Variants in DSCAM observed in about 807,000 individuals in gnomAD.
DSCAM encodes cell adhesion molecule DSCAM.
DSCAM carries 47 observed loss-of-function variants against 217.7 expected under a neutral mutation model. That is an observed-to-expected ratio of 0.22 (90% CI 0.17 to 0.28). The LOEUF is 0.28. Among genes scored for constraint, DSCAM ranks in the 10% least tolerant of loss-of-function variants. DSCAM has a pLI of 1.00. For missense variants in DSCAM, 2,080 were observed against 2,618.3 expected (o/e 0.79, Z 4.49); for synonymous variants, 1,056 against 1,015.3 (o/e 1.04, Z -0.76).
intron 3 of DSCAM, among the ~76,000 whole-genome samples, chr21:40,646,186 G>T (rs939099866): frequency 2.0e-5 from 3 of 152,112 alleles, no homozygotes; most frequent in African/African-American, 7.2e-5. Flanking sequence ...GGAGGCCAAG[G>T]CAGGTGGATC....
At chr21:40,464,494 A>G (rs545745960) in intron 3 of DSCAM, among the ~76,000 whole-genome samples, 1 of 152,302 alleles carries the variant, frequency 6.6e-6, no homozygotes, top group South Asian at 2.1e-4. Context: ...CCCCATACAC[A>G]CAAAGGCATT....
chr21:40,816,573 T>G (rs947265761), intron 1 of DSCAM, among the ~76,000 whole-genome samples: 2 of 152,112 alleles, frequency 1.3e-5, no homozygotes, highest in Non-Finnish European at 2.9e-5. Context: ...CGAGACTCTG[T>G]CTCAATAAAA....
intron 11 of DSCAM, among the ~76,000 whole-genome samples, chr21:40,206,685 CCAAA>C (rs1337552467): frequency 3.7e-5 from 4 of 108,446 alleles, no homozygotes; most frequent in African/African-American, 5.3e-5. Context: ...CTGGGATTTG[CCAAA>C]AAAAAAAAAA....
At chr21:40,130,964 G>C (rs955497846) in intron 19 of DSCAM, among the ~76,000 whole-genome samples, 1 of 152,210 alleles carries the variant, frequency 6.6e-6, no homozygotes, top group Non-Finnish European at 1.5e-5. Flanking sequence ...GATGCTCGCT[G>C]TTAATGTAGC....
chr21:40,407,679 G>A (rs1418758004), intron 3 of DSCAM, among the ~76,000 whole-genome samples: 1 of 152,168 alleles, frequency 6.6e-6, no homozygotes, highest in Non-Finnish European at 1.5e-5. Context: ...AGGTCTGCAA[G>A]CCCACTCATT....
chr21:40,122,697 G>A (rs1025063595), intron 20 of DSCAM, among the ~76,000 whole-genome samples: 1 of 152,164 alleles, frequency 6.6e-6, no homozygotes, highest in Non-Finnish European at 1.5e-5. Context: ...CCAGAAAAAT[G>A]TTGTGGAGTC....
intron 3 of DSCAM, among the ~76,000 whole-genome samples, chr21:40,369,488 T>C (rs1297295362): frequency 1.3e-5 from 2 of 152,070 alleles, no homozygotes. Context: ...GTCCTTATGC[T>C]ATACAATAAA....
chr21:40,202,681 A>T (rs2146859676), intron 11 of DSCAM, among the ~76,000 whole-genome samples: 1 of 152,354 alleles, frequency 6.6e-6, no homozygotes, highest in East Asian at 1.9e-4. Flanking sequence ...TCCTTCCTTC[A>T]ACGTTATAAT....
intron 3 of DSCAM, among the ~76,000 whole-genome samples, chr21:40,663,428 G>C (rs1391135875): frequency 1.3e-5 from 2 of 151,920 alleles, no homozygotes; most frequent in Admixed American, 6.6e-5. Context: ...TGTGTTGCCG[G>C]CACTCTCCTC....
chr21:40,603,925 C>CTTTTTTTTTTTTTTTT (rs3070814), intron 3 of DSCAM, among the ~76,000 whole-genome samples: 1 of 97,322 alleles, frequency 1.0e-5, no homozygotes, highest in African/African-American at 4.0e-5. Flanking sequence ...TTTTGCATTT[C>CTTTTTTTTTTTTTTTT]TTTTTTTTTT....
intron 20 of DSCAM, among the ~76,000 whole-genome samples, chr21:40,116,258 T>C (rs553886163): frequency 6.6e-6 from 1 of 152,100 alleles, no homozygotes; most frequent in Non-Finnish European, 1.5e-5. Flanking sequence ...TAAAACAAAC[T>C]TTTGTGACAC....
At chr21:40,594,302 A>T (rs2077005109) in intron 3 of DSCAM, among the ~76,000 whole-genome samples, 1 of 152,236 alleles carries the variant, frequency 6.6e-6, no homozygotes, top group South Asian at 2.1e-4. Context: ...CTGCAAAGCC[A>T]TGAGTCCCTG....
intron 3 of DSCAM, among the ~76,000 whole-genome samples, chr21:40,562,031 C>T (rs900499571): frequency 2.4e-4 from 37 of 152,200 alleles, no homozygotes; most frequent in African/African-American, 8.9e-4. Flanking sequence ...TTCCCCACAT[C>T]GTGGTCTCTC....
rs1375112055 is a variant in DSCAM at position 40,453,083 on chromosome 21, TGTGTGTGTGA to T, written c.509-83848_509-83839del. On this transcript the variant is annotated intron_variant, in intron 3 of 32. Transcript: ENST00000400454. ...GTGTGTGTGTGTGTGTGTGTGTGTGTGTGTGTGTGAGATATATGTGTATATCTACACATAC... is the reference window on the plus strand; with the variant it reads ...GTGTGTGTGTGTGTGTGTGTGTGTGTGATATATGTGTATATCTACACATAC... 5.0e-4 allele frequency among the ~76,000 whole-genome samples: 56 copies of T among 111,322 alleles called. 1 individual carries two copies. Among genetic ancestry groups the T allele is most frequent in the Middle Eastern group, 9.3e-3 (2 of 216 alleles). 73.0% of individuals were successfully genotyped at this position (111,322 alleles called of 152,430 possible). A position where few individuals can be genotyped will look rare whatever the true frequency, so the allele number is the denominator to read the frequency against.
At chr21:40,360,549 G>C (rs1467570462) in intron 4 of DSCAM, among the ~76,000 whole-genome samples, 1 of 152,078 alleles carries the variant, frequency 6.6e-6, no homozygotes, top group Non-Finnish European at 1.5e-5. Flanking sequence ...TTACTTATAA[G>C]TGAGAACATG....
At chr21:40,799,318 T>A (rs1305915431) in intron 1 of DSCAM, among the ~76,000 whole-genome samples, 1 of 152,154 alleles carries the variant, frequency 6.6e-6, no homozygotes, top group Non-Finnish European at 1.5e-5. Flanking sequence ...AACTCAAATT[T>A]ATTGCTGACA....
chr21:40,783,929 C>A (rs1408771494), intron 1 of DSCAM, among the ~76,000 whole-genome samples: 1 of 151,818 alleles, frequency 6.6e-6, no homozygotes, highest in Non-Finnish European at 1.5e-5. Context: ...TTGGAAAGGT[C>A]AAATTTGCTT....
chr21:40,062,763 CATT>C, intron 28 of DSCAM, 103 bp downstream of exon 28: 1 of 1,040,200 alleles, frequency 9.6e-7, no homozygotes, highest in Non-Finnish European at 1.4e-6. Context: ...AAAGAAAAGA[CATT>C]ATCAATTTCA....
chr21:40,209,039 C>T (rs969076703), intron 11 of DSCAM, among the ~76,000 whole-genome samples: 5 of 152,132 alleles, frequency 3.3e-5, no homozygotes, highest in South Asian at 2.1e-4. Flanking sequence ...TTTGAGAACT[C>T]GCATTCAGGA....
Sources: gnomAD v4.1 joint callset for allele counts (sites outside exome capture counted in the v4.1 genomes callset) on GRCh38, gnomAD v4.1.1 for gene constraint, MANE v1.5 for transcripts, NCBI Gene and HGNC (gene_info 2026-07-23, HGNC 2026-07-21) for gene names.